RFX2: variants seen among roughly 807,000 people sequenced by gnomAD.
The protein encoded by RFX2 is DNA-binding protein RFX2.
A neutral mutation model predicts 87.8 loss-of-function variants in RFX2; 20 were observed. The observed-to-expected ratio is 0.23, with a 90% CI of 0.16 to 0.33. The LOEUF is 0.33. Ranked by LOEUF, RFX2 falls within the 10% of genes least tolerant of loss-of-function variation. The pLI is 1.00. For missense variants in RFX2, 767 were observed against 1,012.3 expected, an observed-to-expected ratio of 0.76 and a Z score of 3.29; for synonymous variants, 397 against 431.3, an observed-to-expected ratio of 0.92 and a Z score of 0.98.
At chr19:5,995,713 T>G in intron 16 of RFX2, 70 bp from the exon 17 acceptor site, 3 of 1,395,382 alleles carry the variant, frequency 2.1e-6, no homozygotes, top group Non-Finnish European at 3.0e-6. Context: ...GCTCGGGGGA[T>G]GCCGGCCCAA....
At chr19:6,030,611 G>T (rs954001146) in intron 5 of RFX2, among the ~76,000 whole-genome samples, 1 of 152,170 alleles carries the variant, frequency 6.6e-6, no homozygotes, top group African/African-American at 2.4e-5. Flanking sequence ...GGACAATGGA[G>T]AGTGGCTGCT....
chr19:6,099,604 T>A (rs1442966126), intron 1 of RFX2, among the ~76,000 whole-genome samples: 1 of 152,076 alleles, frequency 6.6e-6, no homozygotes, highest in Non-Finnish European at 1.5e-5. Context: ...TTTCATTCAC[T>A]CACATGTTAA....
At position 5,997,531 on chromosome 19, in the gene RFX2, ATGGGATCTTAGC is replaced by A. The variant is rs1188178121; in HGVS notation, c.1860-330_1860-319del. Among the ~76,000 whole-genome samples the A allele has an allele frequency of 6.6e-6, 1 of 152,184 alleles. No homozygotes were observed. Among genetic ancestry groups the A allele is most frequent in the Non-Finnish European group, 1.5e-5 (1 of 68,032 alleles). On this transcript the variant is annotated intron_variant, in intron 15 of 17. Coordinates refer to ENST00000303657, the MANE Select transcript of RFX2 (RefSeq NM_000635.4). The surrounding 1 kb of genome is among the most constrained non-coding windows in gnomAD (Gnocchi z 4.2). ...TGGCTGGTGCTAGCGCAGGCGCTAG[ATGGGATCTTAGC>A]TGGTGAGTCTTTCTAGTGACATTTC...
intron 1 of RFX2, among the ~76,000 whole-genome samples, chr19:6,100,292 G>A (rs2088098886): frequency 7.8e-6 from 1 of 128,608 alleles, no homozygotes; most frequent in African/African-American, 2.9e-5. Flanking sequence ...CAAAGGGGAG[G>A]GGACAGTTTG....
chr19:6,105,506 C>A (rs980341688), intron 1 of RFX2, among the ~76,000 whole-genome samples: 4 of 152,070 alleles, frequency 2.6e-5, no homozygotes, highest in African/African-American at 9.7e-5. Context: ...GTGACTTTGG[C>A]TTTTGCTGCA....
intron 5 of RFX2, among the ~76,000 whole-genome samples, chr19:6,030,146 C>T (rs148824233): frequency 6.6e-6 from 1 of 152,330 alleles, no homozygotes; most frequent in East Asian, 1.9e-4. Flanking sequence ...TAAATCTATA[C>T]ACTCAACAAA....
chr19:6,099,971 A>G (rs946469004), intron 1 of RFX2, among the ~76,000 whole-genome samples: 1 of 152,216 alleles, frequency 6.6e-6, no homozygotes, highest in Non-Finnish European at 1.5e-5. Flanking sequence ...TACAGTGCAC[A>G]GAACAGTCTC....
intron 1 of RFX2, chr19:6,073,486 A>G: frequency 2.4e-6 from 2 of 829,506 alleles, no homozygotes; most frequent in Non-Finnish European, 1.9e-6. Context: ...CTGCCGTCAG[A>G]GTCACCAACC....
chr19:6,060,720 T>C (rs1110621), intron 1 of RFX2, among the ~76,000 whole-genome samples: 71,020 of 151,778 alleles, frequency 0.47, 19,054 homozygotes, highest in African/African-American at 0.75. Context: ...CTCGAAGCTC[T>C]GTCCTCCCTC....
At chr19:6,000,072 C>T (rs148737905) in intron 15 of RFX2, among the ~76,000 whole-genome samples, 191 of 152,048 alleles carry the variant, frequency 1.3e-3, no homozygotes, top group African/African-American at 4.4e-3. Context: ...GCAACCTCTG[C>T]CTCCCGGATT....
In RFX2 at chr19:6,026,206, C is replaced by T. The variant is rs1424504397; in HGVS notation, c.554G>A (p.Ser185Asn). 6.2e-7 allele frequency: 1 copy of T among 1,613,004 alleles called. No homozygotes were observed. The highest frequency in any genetic ancestry group is 8.5e-7 in the Non-Finnish European group (1 of 1,179,902). ...GCTTTTGTGTGATGTGATTCCTTCG[C>T]TTTTTTGGAGGTTTTCAATCGCCAT... ...LEMAIENLQK[S>N]EGITSHKSGL... Residue 185 changes from serine (S) to asparagine (N), a missense_variant, in exon 6 of 18, where the codon AGC (serine) becomes AAC (asparagine). Transcript: ENST00000303657. The surrounding 1 kb of genome is among the most constrained non-coding windows in gnomAD (Gnocchi z 4.5).
rs1200840660 is a variant in RFX2 at position 6,056,382 on chromosome 19, A to C, written c.-8-8878T>G. Among the ~76,000 whole-genome samples the C allele has an allele frequency of 6.6e-6, 1 of 152,206 alleles. No homozygotes were observed. The highest frequency in any genetic ancestry group is 1.5e-5 in the Non-Finnish European group (1 of 68,026). On this transcript the variant is annotated intron_variant, in intron 1 of 17. Transcript: ENST00000303657. The surrounding 1 kb of genome is among the most constrained non-coding windows in gnomAD (Gnocchi z 4.6). ...AAGGAGTTAAACAAACACACACACAAGACACCAGCGATGAGCAGGAGTGGC... is the reference window on the plus strand; with the variant it reads ...AAGGAGTTAAACAAACACACACACACGACACCAGCGATGAGCAGGAGTGGC...
At chr19:6,003,588 C>T (rs2086525046) in intron 13 of RFX2, among the ~76,000 whole-genome samples, 1 of 151,790 alleles carries the variant, frequency 6.6e-6, no homozygotes, top group African/African-American at 2.4e-5. Context: ...ACCAGCCTGG[C>T]CAACATGGCG....
At chr19:6,025,667 T>C (rs2086878116) in intron 6 of RFX2, among the ~76,000 whole-genome samples, 1 of 152,168 alleles carries the variant, frequency 6.6e-6, no homozygotes, top group Non-Finnish European at 1.5e-5. Flanking sequence ...AGAATCTGTC[T>C]TGATTTCTCC....
At position 6,098,965 on chromosome 19, in the gene RFX2, C is replaced by CAAA. The variant is rs34110529; in HGVS notation, c.-9+11425_-9+11427dup. 8.5e-3 allele frequency among the ~76,000 whole-genome samples: 446 copies of CAAA among 52,712 alleles called. 58 individuals carry two copies. Among genetic ancestry groups the CAAA allele is most frequent in the African/African-American group, 0.021 (407 of 19,134 alleles). 34.6% of individuals were successfully genotyped at this position (52,712 alleles called of 152,430 possible). ...AATCTTTCACAAACTGCTTGAACCA[C>CAAA]AAAAAAAAAAAAAAAAAAAAAAAAA... On this transcript the variant is annotated intron_variant, in intron 1 of 17. Coordinates refer to ENST00000303657, the MANE Select transcript of RFX2 (RefSeq NM_000635.4).
At chr19:6,030,530 A>C (rs1316849457) in intron 5 of RFX2, among the ~76,000 whole-genome samples, 1 of 152,230 alleles carries the variant, frequency 6.6e-6, no homozygotes, top group African/African-American at 2.4e-5. Flanking sequence ...TTCCTTTTAC[A>C]TAAAATATGT....
chr19:6,037,807 C>A (rs1009844800), intron 5 of RFX2, among the ~76,000 whole-genome samples: 4 of 152,144 alleles, frequency 2.6e-5, no homozygotes, highest in Admixed American at 2.6e-4. Context: ...AAGGGATAGG[C>A]AGACAGACCA....
rs2087480058 is a variant in RFX2 at position 6,064,290 on chromosome 19, A to C, written c.-8-16786T>G. Among the ~76,000 whole-genome samples, 1 of 152,186 alleles carries C rather than the reference A, an allele frequency of 6.6e-6. No homozygotes were observed. Among genetic ancestry groups the C allele is most frequent in the East Asian group, 1.9e-4 (1 of 5,184 alleles). ...CAGGATTCTTGGAAGCGGCTTCCTA[A>C]GGCATCATGCTTTTGTGTTCTCCTT... On this transcript the variant is annotated intron_variant, in intron 1 of 17. Coordinates refer to ENST00000303657, the MANE Select transcript of RFX2 (RefSeq NM_000635.4). The surrounding 1 kb of genome is among the most constrained non-coding windows in gnomAD (Gnocchi z 4.8).
At chr19:6,105,280 G>C (rs946026435) in intron 1 of RFX2, among the ~76,000 whole-genome samples, 11 of 152,162 alleles carry the variant, frequency 7.2e-5, no homozygotes, top group African/African-American at 2.4e-4. Context: ...AGGAGGCTGA[G>C]AGCACCCATT....
Sources: allele counts gnomAD v4.1 joint callset (sites outside exome capture counted in the v4.1 genomes callset), GRCh38; gene constraint gnomAD v4.1.1; non-coding constraint Gnocchi (gnomAD v3.1); transcripts MANE v1.5; gene names NCBI Gene and HGNC (gene_info 2026-07-23, HGNC 2026-07-21).